The following ADAMTS17 variants were observed in gnomAD, a reference collection of about 807,000 sequenced individuals.
The protein encoded by ADAMTS17 is A disintegrin and metalloproteinase with thrombospondin motifs 17.
Under a neutral mutation model 141.5 loss-of-function variants are expected in ADAMTS17, and 113 were observed. The ratio of observed to expected loss-of-function variants is 0.80; its 90% CI spans 0.69 to 0.93. ADAMTS17 has a LOEUF of 0.93. ADAMTS17 is among the 40% of genes least tolerant of loss of function. ADAMTS17 has a pLI of 0.00. For synonymous variants in ADAMTS17, 768 were observed against 630.6 expected (o/e 1.22, Z -3.27); for missense variants, 1,659 against 1,517.9 (o/e 1.09, Z -1.54).
chr15:100,273,398 T>G (rs1334105792), intron 4 of ADAMTS17, among the ~76,000 whole-genome samples: 3 of 152,192 alleles, frequency 2.0e-5, no homozygotes, highest in Non-Finnish European at 2.9e-5. Context: ...CTCTTCAAAT[T>G]TTCTATTTCT....
intron 15 of ADAMTS17, among the ~76,000 whole-genome samples, chr15:100,081,441 C>G (rs1355124769): frequency 6.6e-6 from 1 of 152,356 alleles, no homozygotes; most frequent in Admixed American, 6.5e-5. Flanking sequence ...AACCCTAATA[C>G]ATGGCTGCAT....
intron 7 of ADAMTS17, among the ~76,000 whole-genome samples, chr15:100,238,724 T>C (rs964978937): frequency 6.6e-5 from 10 of 152,332 alleles, no homozygotes; most frequent in African/African-American, 2.4e-4. Flanking sequence ...AAGAAATGTA[T>C]TCTTTTAGAG....
At chr15:100,266,859 A>T (rs1362325711) in intron 4 of ADAMTS17, among the ~76,000 whole-genome samples, 1 of 151,832 alleles carries the variant, frequency 6.6e-6, no homozygotes, top group Admixed American at 6.6e-5. Flanking sequence ...TGTCGTTCCT[A>T]CTGCATGAGC....
chr15:100,112,272 A>G (rs918738790), intron 13 of ADAMTS17, among the ~76,000 whole-genome samples: 1 of 152,100 alleles, frequency 6.6e-6, no homozygotes, highest in African/African-American at 2.4e-5. Context: ...TGCAGCTCTC[A>G]CCTGCAGACA....
chr15:100,204,642 T>A (rs533429764), intron 7 of ADAMTS17, among the ~76,000 whole-genome samples: 1 of 152,278 alleles, frequency 6.6e-6, no homozygotes, highest in South Asian at 2.1e-4. Flanking sequence ...TCAAAATGAA[T>A]TGAAGAGATA....
chr15:100,080,489 T>A (rs923706694), intron 15 of ADAMTS17, among the ~76,000 whole-genome samples: 1 of 152,006 alleles, frequency 6.6e-6, no homozygotes, highest in Non-Finnish European at 1.5e-5. Flanking sequence ...AACAGCCCAA[T>A]CCAGGCAGGA....
In ADAMTS17 at chr15:99,997,887, C is replaced by A. The variant is rs377758557; in HGVS notation, c.2592-298G>T. Among the ~76,000 whole-genome samples, 1 of 146,698 alleles carries A rather than the reference C, an allele frequency of 6.8e-6. No individual in the cohort carries two copies. The highest frequency in any genetic ancestry group is 1.5e-5 in the Non-Finnish European group (1 of 64,700). ...TGTAGGGAATTACGTATCTGCTTGT[C>A]GTCATAGGACCTGCTTCTTTCGACA... On this transcript the variant is annotated intron_variant, in intron 18 of 21. Coordinates refer to ENST00000268070, the MANE Select transcript of ADAMTS17 (RefSeq NM_139057.4). This position sits in a 1 kb window ranked among gnomAD's most constrained non-coding sequence, Gnocchi z 4.7.
intron 8 of ADAMTS17, among the ~76,000 whole-genome samples, chr15:100,188,031 T>C (rs2040783095): frequency 6.6e-6 from 1 of 151,672 alleles, no homozygotes; most frequent in Admixed American, 6.6e-5. Flanking sequence ...CTGCAATGAG[T>C]TGCGATCACA....
intron 8 of ADAMTS17, among the ~76,000 whole-genome samples, chr15:100,192,344 T>C (rs2040951015): frequency 6.6e-6 from 1 of 152,226 alleles, no homozygotes. Context: ...CTGGGAAACC[T>C]GTCTGGAGCC....
intron 3 of ADAMTS17, among the ~76,000 whole-genome samples, chr15:100,284,980 G>A (rs533263563): frequency 9.9e-5 from 15 of 152,276 alleles, no homozygotes; most frequent in African/African-American, 2.9e-4. Flanking sequence ...CTCTCGCCCC[G>A]CTGATGAGGA....
chr15:99,995,101 C>T (rs926703062), intron 19 of ADAMTS17, among the ~76,000 whole-genome samples: 1 of 152,164 alleles, frequency 6.6e-6, no homozygotes, highest in African/African-American at 2.4e-5. Flanking sequence ...AGGCTGATTG[C>T]AGTGGACTTT....
chr15:100,260,168 C>T (rs554704503), intron 6 of ADAMTS17, among the ~76,000 whole-genome samples: 6 of 152,240 alleles, frequency 3.9e-5, no homozygotes, highest in East Asian at 3.9e-4. Flanking sequence ...TTGAAAGGAA[C>T]GAAAGCTGCA....
chr15:100,322,317 C>G, intron 3 of ADAMTS17, among the ~76,000 whole-genome samples: 1 of 152,130 alleles, frequency 6.6e-6, no homozygotes, highest in South Asian at 2.1e-4. Flanking sequence ...AAAGGGGAAG[C>G]CGAAAATTCT....
chr15:100,231,663 G>C (rs1250074109), intron 7 of ADAMTS17, among the ~76,000 whole-genome samples: 2 of 152,172 alleles, frequency 1.3e-5, no homozygotes, highest in Non-Finnish European at 2.9e-5. Context: ...GTGTGTCCAA[G>C]GGTTCTCAGG....
intron 20 of ADAMTS17, among the ~76,000 whole-genome samples, chr15:99,985,177 G>C (rs1251669891): frequency 6.6e-6 from 1 of 152,256 alleles, no homozygotes; most frequent in African/African-American, 2.4e-5. Flanking sequence ...CACCAAAGAA[G>C]TGTCTGTCCC....
intron 3 of ADAMTS17, among the ~76,000 whole-genome samples, chr15:100,317,913 C>T (rs983465482): frequency 5.3e-5 from 8 of 152,098 alleles, no homozygotes; most frequent in African/African-American, 1.9e-4. Context: ...AGTTGAGGGG[C>T]CAAGGCTGAA....
intron 18 of ADAMTS17, among the ~76,000 whole-genome samples, chr15:100,030,902 G>C (rs1210445170): frequency 1.3e-5 from 2 of 152,288 alleles, no homozygotes; most frequent in South Asian, 4.1e-4. Flanking sequence ...AGTGTCTTAC[G>C]AAATAATGGA....
intron 8 of ADAMTS17, among the ~76,000 whole-genome samples, chr15:100,157,561 G>A (rs2039492723): frequency 6.6e-6 from 1 of 152,146 alleles, no homozygotes; most frequent in Admixed American, 6.5e-5. Flanking sequence ...CTCCTGACTG[G>A]AGGCCCACAG....
intron 15 of ADAMTS17, among the ~76,000 whole-genome samples, chr15:100,070,834 T>C (rs1188866222): frequency 1.3e-5 from 2 of 149,160 alleles, no homozygotes; most frequent in African/African-American, 5.0e-5. Context: ...TTAAAAGAAC[T>C]AGAGAAGCAA....
Sources: allele counts gnomAD v4.1 joint callset (sites outside exome capture counted in the v4.1 genomes callset), GRCh38; gene constraint gnomAD v4.1.1; non-coding constraint Gnocchi (gnomAD v3.1); transcripts MANE v1.5; gene names NCBI Gene and HGNC (gene_info 2026-07-23, HGNC 2026-07-21).